Variants in TNC observed in about 807,000 individuals in gnomAD.
The protein encoded by TNC is tenascin C.
In TNC, 109 loss-of-function variants were observed where a neutral mutation model predicts 202.4. The observed-to-expected ratio is 0.54, with a 90% CI of 0.46 to 0.63. TNC has a LOEUF of 0.63. Ranked by LOEUF, TNC falls within the 30% of genes least tolerant of loss-of-function variation. TNC has a pLI of 0.00. For missense variants in TNC, 2,756 were observed against 2,833.3 expected, an observed-to-expected ratio of 0.97 and a Z score of 0.62; for synonymous variants, 1,007 against 1,089.7, an observed-to-expected ratio of 0.92 and a Z score of 1.50.
intron 19 of TNC, among the ~76,000 whole-genome samples, chr9:115,039,170 T>C (rs1329802091): frequency 1.3e-5 from 2 of 152,228 alleles, no homozygotes; most frequent in Admixed American, 6.5e-5. Flanking sequence ...TCTCCTTAGA[T>C]GGCTTGCAGA....
chr9:115,030,653 C>A (rs1411922722), intron 23 of TNC, among the ~76,000 whole-genome samples: 1 of 152,130 alleles, frequency 6.6e-6, no homozygotes, highest in Non-Finnish European at 1.5e-5. Context: ...GTATCATGAG[C>A]TGTTTTCTTA....
intron 17 of TNC, among the ~76,000 whole-genome samples, chr9:115,044,426 C>T (rs988529536): frequency 1.8e-4 from 27 of 150,640 alleles, no homozygotes; most frequent in African/African-American, 2.7e-4. Flanking sequence ...CAAGCACGCA[C>T]GCGCATGGGC....
intron 27 of TNC, 47 bp from the exon 28 acceptor site, chr9:115,021,314 C>T (rs1241370690): frequency 6.9e-7 from 1 of 1,440,112 alleles, no homozygotes; most frequent in African/African-American, 1.4e-5. Context: ...AGAAGGCCTC[C>T]AGGTTGGTTA....
At chr9:115,116,019 A>T (rs1181953015) in intron 1 of TNC, among the ~76,000 whole-genome samples, 1 of 152,212 alleles carries the variant, frequency 6.6e-6, no homozygotes, top group Admixed American at 6.5e-5. Context: ...GTTTCCATTT[A>T]TTGAACCCTT....
intron 1 of TNC, among the ~76,000 whole-genome samples, chr9:115,110,407 G>A (rs1330736810): frequency 6.6e-6 from 1 of 152,028 alleles, no homozygotes; most frequent in Non-Finnish European, 1.5e-5. Context: ...GTTGAAGAAG[G>A]GGAAGGCTGG....
At chr9:115,026,784 A>G in intron 25 of TNC, 89 bp from the exon 26 acceptor site, 1 of 1,294,138 alleles carries the variant, frequency 7.7e-7, no homozygotes, top group Admixed American at 2.2e-5. Context: ...AACTGGGTAC[A>G]CTTAAGACAG....
intron 9 of TNC, 33 bp downstream of exon 9, chr9:115,075,999 C>T (rs778752913): frequency 6.3e-7 from 1 of 1,585,166 alleles, no homozygotes; most frequent in Non-Finnish European, 8.7e-7. Flanking sequence ...CCAGCACCAG[C>T]TCAGTGGGAT....
At position 115,048,384 on chromosome 9, in the gene TNC, T is replaced by G. The variant is rs200380101; in HGVS notation, c.4728A>C (p.Thr1576=). 5 of 1,614,054 alleles carry G rather than the reference T, an allele frequency of 3.1e-6. No individual in the cohort carries two copies. Among genetic ancestry groups the G allele is most frequent in the Non-Finnish European group, 4.2e-6 (5 of 1,179,968 alleles). The change falls in exon 16 of 28, where the codon ACA becomes ACC. Residue 1576 remains threonine (T), a synonymous_variant. Transcript: ENST00000350763. The stretch of plus-strand genomic sequence containing the variant: ...CCAGCTTCCTCTGGGTTCCTGAAAG[T>G]GTGAATTCCTGGGGGTCCAGCAGCT... ...SGKLLDPQEF[T]LSGTQRKLEL...
chr9:115,043,963 C>A (rs1830973993), intron 17 of TNC, among the ~76,000 whole-genome samples: 1 of 152,182 alleles, frequency 6.6e-6, no homozygotes, highest in African/African-American at 2.4e-5. Context: ...CTTATGTAAA[C>A]CTCGTGGCTG....
intron 12 of TNC, 76 bp from the exon 13 acceptor site, chr9:115,063,265 G>GGCT: frequency 1.3e-6 from 2 of 1,527,256 alleles, no homozygotes; most frequent in Non-Finnish European, 1.8e-6. Context: ...ATGGCATTTT[G>GGCT]GCTAAGGTTG....
In TNC at chr9:115,084,286, C is replaced by G. The variant is rs1222390269; in HGVS notation, c.2054G>C (p.Gly685Ala). The G allele has an allele frequency of 6.2e-7, 1 of 1,614,026 alleles. No homozygotes were observed. The highest frequency in any genetic ancestry group is 1.3e-5 in the African/African-American group (1 of 74,906). Reference sequence around the variant, plus strand: ...AAATACACGGATAAAGTACTCCACACCAGGCTCCAGCTCCTGGATGATGGT... The same window carrying G: ...AAATACACGGATAAAGTACTCCACAGCAGGCTCCAGCTCCTGGATGATGGT... ...TSTIIQELEP[G>A]VEYFIRVFAI... Residue 685 changes from glycine to alanine, a missense_variant, in exon 4 of 28, where the codon GGT becomes GCT. Around this residue, in one of 2 missense-constraint regions of TNC, gnomAD observed 2,559 missense variants for 2,546.0 expected, o/e 1.01. Coordinates refer to ENST00000350763, the MANE Select transcript of TNC (RefSeq NM_002160.4).
chr9:115,054,216 C>T (rs1588074983), intron 15 of TNC, among the ~76,000 whole-genome samples: 3 of 152,026 alleles, frequency 2.0e-5, no homozygotes, highest in Admixed American at 2.0e-4. Context: ...AGAAGGGGCT[C>T]ATTTGGATAA....
intron 27 of TNC, among the ~76,000 whole-genome samples, chr9:115,022,661 G>C (rs749168734): frequency 6.6e-6 from 1 of 152,172 alleles, no homozygotes; most frequent in Non-Finnish European, 1.5e-5. Flanking sequence ...GCTCAGAATG[G>C]AAATATTGAT....
intron 1 of TNC, among the ~76,000 whole-genome samples, chr9:115,099,112 C>G (rs1836020595): frequency 6.6e-6 from 1 of 152,078 alleles, no homozygotes; most frequent in Non-Finnish European, 1.5e-5. Flanking sequence ...TTAGGCAGCA[C>G]AGTGGCTTAG....
Position 115,046,636 on chromosome 9 carries a change from T to C in TNC, c.4899A>G (p.Pro1633=). The change falls in exon 17 of 28, where the codon CCA becomes CCG. Residue 1633 remains proline (P), a synonymous_variant. Transcript: ENST00000350763. ...CTGTCCAGGACAGACGGAAACCGTCTGGGGTGGCATCTGAAACCAGAAGGT... is the reference window on the plus strand; with the variant it reads ...CTGTCCAGGACAGACGGAAACCGTCCGGGGTGGCATCTGAAACCAGAAGGT... ...VDNLLVSDAT[P]DGFRLSWTAD... 1 of 1,613,776 alleles carries C rather than the reference T, an allele frequency of 6.2e-7. No individual in the cohort carries two copies. Among genetic ancestry groups the C allele is most frequent in the Non-Finnish European group, 8.5e-7 (1 of 1,179,970 alleles).
At chr9:115,051,358 A>T (rs908557576) in intron 15 of TNC, among the ~76,000 whole-genome samples, 7 of 152,142 alleles carry the variant, frequency 4.6e-5, no homozygotes, top group African/African-American at 1.7e-4. Flanking sequence ...ATCCTAGGTC[A>T]TACATCTGCT....
At chr9:115,110,651 G>A (rs1476531504) in intron 1 of TNC, among the ~76,000 whole-genome samples, 1 of 152,220 alleles carries the variant, frequency 6.6e-6, no homozygotes, top group African/African-American at 2.4e-5. Flanking sequence ...GAGAGGAATA[G>A]ATTGAGGGAG....
intron 6 of TNC, among the ~76,000 whole-genome samples, chr9:115,078,558 A>T (rs1330350): frequency 0.53 from 79,537 of 151,310 alleles, 21,355 homozygotes; most frequent in Non-Finnish European, 0.58. Flanking sequence ...TTGAGGAAAC[A>T]TGCTTTGGGG....
chr9:115,082,064 C>T, intron 5 of TNC, 136 bp from the exon 6 acceptor site: 1 of 784,328 alleles, frequency 1.3e-6, no homozygotes, highest in South Asian at 2.0e-5. Context: ...TGCATCAGAT[C>T]AGTATGTAAG....
Sources: gnomAD v4.1 joint callset for allele counts (sites outside exome capture counted in the v4.1 genomes callset) on GRCh38, gnomAD v4.1.1 for gene constraint, gnomAD v4.1.1 regional missense constraint, MANE v1.5 for transcripts, NCBI Gene and HGNC (gene_info 2026-07-23, HGNC 2026-07-21) for gene names.